Variants in SAMMSON observed in about 807,000 individuals in gnomAD.
SAMMSON encodes the protein survival associated mitochondrial melanoma specific oncogenic non-coding RNA, also known as long intergenic non-protein coding RNA 1212.
At chr3:70,330,102 A>G (rs1163826629) in intron 7 of SAMMSON, among the ~76,000 whole-genome samples, 4 of 151,956 alleles carry the variant, frequency 2.6e-5, no homozygotes, top group African/African-American at 9.6e-5. Context: ...ATAATTTTAA[A>G]TAAGTGTATA....
rs558012288 is a variant in SAMMSON, at chr3:70,292,701, A to G, written n.739+1458A>G. Among the ~76,000 whole-genome samples the G allele has an allele frequency of 9.9e-5, 15 of 152,156 alleles. No homozygotes were observed. The East Asian group carries it at 2.7e-3, about 27-fold the overall frequency. ...CCAAATGTTTTCTCTTTTTTGATGT[A>G]CACATACTTAAAACTAGATCTTTGA... On this transcript the variant is annotated intron_variant and non_coding_transcript_variant, in intron 7 of 9. Transcript: ENST00000642114.
intron 4 of SAMMSON, among the ~76,000 whole-genome samples, chr3:70,156,263 A>G (rs935995128): frequency 2.0e-5 from 3 of 152,102 alleles, no homozygotes; most frequent in Non-Finnish European, 4.4e-5. Context: ...TACAATGAAC[A>G]TAATAATGAA....
At chr3:70,126,327 A>G in intron 4 of SAMMSON, 1 of 1,192,990 alleles carries the variant, frequency 8.4e-7, no homozygotes, top group Admixed American at 2.0e-5. Context: ...TGCAAATTCA[A>G]AGACTAAAGT....
intron 4 of SAMMSON, among the ~76,000 whole-genome samples, chr3:70,161,238 C>T (rs1276751921): frequency 6.6e-6 from 1 of 151,990 alleles, no homozygotes; most frequent in Non-Finnish European, 1.5e-5. Flanking sequence ...AGAGAGCATT[C>T]TTATCCTGTT....
chr3:70,186,192 A>G (rs886928183), intron 4 of SAMMSON, among the ~76,000 whole-genome samples: 5 of 152,166 alleles, frequency 3.3e-5, no homozygotes, highest in African/African-American at 1.2e-4. Context: ...TTTACTTCAA[A>G]TGACCATATA....
chr3:70,092,922 T>G (rs1156779689), intron 4 of SAMMSON, among the ~76,000 whole-genome samples: 1 of 151,666 alleles, frequency 6.6e-6, no homozygotes, highest in Admixed American at 6.6e-5. Context: ...TTTTGTTTTT[T>G]TTTTCCACCA....
intron 4 of SAMMSON, among the ~76,000 whole-genome samples, chr3:70,182,398 C>T (rs528322419): frequency 2.3e-3 from 357 of 152,244 alleles, no homozygotes; most frequent in Non-Finnish European, 4.2e-3. Flanking sequence ...AAACTGTAGG[C>T]TCTGAGAAAA....
intron 7 of SAMMSON, among the ~76,000 whole-genome samples, chr3:70,321,686 T>C (rs529264762): frequency 2.0e-4 from 30 of 152,100 alleles, no homozygotes; most frequent in Non-Finnish European, 3.5e-4. Context: ...CCCTATAAAA[T>C]TAATTTTATC....
intron 4 of SAMMSON, among the ~76,000 whole-genome samples, chr3:70,090,047 T>C (rs1223558671): frequency 1.3e-5 from 2 of 152,172 alleles, no homozygotes; most frequent in Non-Finnish European, 1.5e-5. Context: ...ACCCTTTTTT[T>C]CCTTGACTTT....
intron 4 of SAMMSON, among the ~76,000 whole-genome samples, chr3:70,129,802 A>G (rs2067474730): frequency 6.6e-6 from 1 of 152,224 alleles, no homozygotes; most frequent in African/African-American, 2.4e-5. Context: ...CTGTTCCATC[A>G]AGAGATGGGG....
At chr3:70,299,679 G>A (rs1046657169) in intron 7 of SAMMSON, among the ~76,000 whole-genome samples, 4 of 152,024 alleles carry the variant, frequency 2.6e-5, no homozygotes, top group African/African-American at 7.2e-5. Flanking sequence ...GATGCAACAA[G>A]CTTCTAACTA....
At chr3:70,198,218 T>C (rs1169681155) in intron 4 of SAMMSON, among the ~76,000 whole-genome samples, 1 of 152,096 alleles carries the variant, frequency 6.6e-6, no homozygotes, top group Non-Finnish European at 1.5e-5. Context: ...AGAGAAAAAA[T>C]TTCTCCTCTA....
chr3:70,196,559 G>C (rs1701182894), intron 4 of SAMMSON, among the ~76,000 whole-genome samples: 1 of 152,184 alleles, frequency 6.6e-6, no homozygotes, highest in Admixed American at 6.5e-5. Context: ...GCACTAATTT[G>C]TCCTGAATTT....
At chr3:70,256,184 CA>C (rs1701814407) in intron 6 of SAMMSON, among the ~76,000 whole-genome samples, 1 of 152,070 alleles carries the variant, frequency 6.6e-6, no homozygotes, top group Non-Finnish European at 1.5e-5. Context: ...CCTTTTTATT[CA>C]GAGGGAAACA....
intron 4 of SAMMSON, among the ~76,000 whole-genome samples, chr3:70,204,243 C>T (rs1433449554): frequency 6.6e-6 from 1 of 152,098 alleles, no homozygotes; most frequent in Non-Finnish European, 1.5e-5. Context: ...TCTCTTTTCC[C>T]TTCTGTTTTC....
intron 6 of SAMMSON, among the ~76,000 whole-genome samples, chr3:70,269,883 A>C (rs1701957504): frequency 1.3e-5 from 2 of 152,192 alleles, no homozygotes; most frequent in Admixed American, 6.5e-5. Context: ...GTCAAATATA[A>C]ACTTAGAAAA....
chr3:70,145,855 T>A (rs2067546972), intron 4 of SAMMSON, among the ~76,000 whole-genome samples: 1 of 151,088 alleles, frequency 6.6e-6, no homozygotes, highest in African/African-American at 2.4e-5. Context: ...ATAGGAGAAA[T>A]CAATGAAATT....
intron 7 of SAMMSON, among the ~76,000 whole-genome samples, chr3:70,350,777 G>C (rs1233399067): frequency 1.3e-5 from 2 of 152,050 alleles, no homozygotes; most frequent in Non-Finnish European, 2.9e-5. Flanking sequence ...AAATAATTTA[G>C]GATAATGGAA....
At chr3:70,333,224 G>A (rs1702637983) in intron 7 of SAMMSON, among the ~76,000 whole-genome samples, 1 of 152,022 alleles carries the variant, frequency 6.6e-6, no homozygotes, top group Non-Finnish European at 1.5e-5. Context: ...AGGCTGAAAT[G>A]CCACATACTC....
Sources: allele counts gnomAD v4.1 joint callset (sites outside exome capture counted in the v4.1 genomes callset), GRCh38; gene constraint gnomAD v4.1.1; transcripts MANE v1.5; gene names NCBI Gene and HGNC (gene_info 2026-07-23, HGNC 2026-07-21).